Variants in RORA observed in about 807,000 individuals in gnomAD.
RORA encodes the protein RAR related orphan receptor A.
RORA carries 7 observed loss-of-function variants against 69.5 expected under a neutral mutation model. The ratio of observed to expected loss-of-function variants is 0.10; its 90% confidence interval spans 0.06 to 0.19. The LOEUF is 0.19. RORA is among the 10% of genes least tolerant of loss of function. The pLI is 1.00. For missense variants in RORA, 457 were observed against 663.0 expected (o/e 0.69, Z 3.41); for synonymous variants, 261 against 240.8 (o/e 1.08, Z -0.78).
chr15:60,804,052 G>A (rs1169349111), intron 1 of RORA, among the ~76,000 whole-genome samples: 1 of 152,060 alleles, frequency 6.6e-6, no homozygotes, highest in African/African-American at 2.4e-5. Flanking sequence ...CACTTTGAGA[G>A]GCCAAGGTGG....
intron 1 of RORA, among the ~76,000 whole-genome samples, chr15:61,110,986 A>T (rs114420207): frequency 1.1e-3 from 173 of 152,242 alleles, no homozygotes; most frequent in African/African-American, 4.0e-3. Context: ...CCTGCTCCAC[A>T]CATAGGAGAC....
intron 1 of RORA, among the ~76,000 whole-genome samples, chr15:60,963,168 G>A (rs1188463715): frequency 6.6e-6 from 1 of 152,230 alleles, no homozygotes; most frequent in Non-Finnish European, 1.5e-5. Context: ...ACGCTTCGAA[G>A]AAATTGAACT....
At chr15:61,064,911 T>C (rs2078236148) in intron 1 of RORA, among the ~76,000 whole-genome samples, 1 of 152,170 alleles carries the variant, frequency 6.6e-6, no homozygotes, top group Non-Finnish European at 1.5e-5. Flanking sequence ...CTTCATTACC[T>C]GCCCTGAGCT....
chr15:60,500,656 C>T (rs963967887), intron 9 of RORA, among the ~76,000 whole-genome samples: 1 of 152,052 alleles, frequency 6.6e-6, no homozygotes, highest in African/African-American at 2.4e-5. Flanking sequence ...GACAGGCAAC[C>T]CTATTCCACC....
At chr15:60,500,849 T>G in intron 9 of RORA, 110 bp downstream of exon 9, 1 of 596,938 alleles carries the variant, frequency 1.7e-6, no homozygotes, top group Non-Finnish European at 3.0e-6. Context: ...GGTGGAGACC[T>G]CTCTTAGTAG....
chr15:60,985,060 T>C (rs1041228494), intron 1 of RORA, among the ~76,000 whole-genome samples: 4 of 152,138 alleles, frequency 2.6e-5, no homozygotes, highest in Non-Finnish European at 5.9e-5. Context: ...ATGGAACAAG[T>C]GTGACTTCAC....
At chr15:60,757,990 A>G (rs1208870235) in intron 1 of RORA, among the ~76,000 whole-genome samples, 2 of 152,154 alleles carry the variant, frequency 1.3e-5, no homozygotes, top group East Asian at 3.9e-4. Context: ...TCTTTTCAGG[A>G]TAGTCTAGTG....
At chr15:60,666,576 T>C (rs890341010) in intron 2 of RORA, among the ~76,000 whole-genome samples, 7 of 152,028 alleles carry the variant, frequency 4.6e-5, no homozygotes, top group Non-Finnish European at 8.8e-5. Context: ...GAATGTACTG[T>C]GGGGGCTGCA....
At chr15:60,823,228 C>G (rs926969103) in intron 1 of RORA, among the ~76,000 whole-genome samples, 19 of 151,906 alleles carry the variant, frequency 1.3e-4, no homozygotes, top group African/African-American at 4.6e-4. Context: ...TTCAAACTGT[C>G]ACCAAGGCTG....
At chr15:60,562,046 C>T (rs533608451) in intron 2 of RORA, among the ~76,000 whole-genome samples, 3 of 151,976 alleles carry the variant, frequency 2.0e-5, no homozygotes, top group South Asian at 2.1e-4. Flanking sequence ...CAGGTTCAAG[C>T]GATTCTCCTG....
chr15:60,896,327 A>G (rs748180036), intron 1 of RORA, among the ~76,000 whole-genome samples: 19 of 152,260 alleles, frequency 1.2e-4, no homozygotes, highest in Non-Finnish European at 2.6e-4. Context: ...ATCAATGGAA[A>G]GCTAACACAC....
At chr15:60,654,974 G>C (rs533738006) in intron 2 of RORA, among the ~76,000 whole-genome samples, 1 of 152,100 alleles carries the variant, frequency 6.6e-6, no homozygotes, top group Non-Finnish European at 1.5e-5. Context: ...TTTAAGTCCC[G>C]AGTTTGTGGT....
intron 2 of RORA, among the ~76,000 whole-genome samples, chr15:60,617,633 CACACACGCACAT>C (rs905556174): frequency 1.3e-5 from 2 of 148,948 alleles, no homozygotes; most frequent in African/African-American, 5.0e-5. Context: ...AAAATACACA[CACACACGCACAT>C]ACACACATAC....
At chr15:61,155,310 C>A (rs956274732) in intron 1 of RORA, among the ~76,000 whole-genome samples, 1 of 152,124 alleles carries the variant, frequency 6.6e-6, no homozygotes, top group African/African-American at 2.4e-5. Context: ...ATTCCATTAA[C>A]CTTCAAATAA....
At chr15:61,055,693 T>G (rs1189421484) in intron 1 of RORA, among the ~76,000 whole-genome samples, 1 of 152,238 alleles carries the variant, frequency 6.6e-6, no homozygotes, top group African/African-American at 2.4e-5. Flanking sequence ...ATCCTGAACT[T>G]TTATCACACA....
chr15:60,759,631 G>C (rs997348508), intron 1 of RORA, among the ~76,000 whole-genome samples: 2 of 152,168 alleles, frequency 1.3e-5, no homozygotes, highest in African/African-American at 4.8e-5. Flanking sequence ...TACACATAGA[G>C]AAATCTGCCT....
At chr15:61,080,980 G>T (rs574585759) in intron 1 of RORA, among the ~76,000 whole-genome samples, 1 of 152,172 alleles carries the variant, frequency 6.6e-6, no homozygotes, top group Non-Finnish European at 1.5e-5. Flanking sequence ...CTGTCTGGCC[G>T]GTGCCTCTCC....
chr15:60,652,572 CTT>C (rs1322317268), intron 2 of RORA, among the ~76,000 whole-genome samples: 2 of 152,162 alleles, frequency 1.3e-5, no homozygotes, highest in African/African-American at 4.8e-5. Context: ...CATATGTGTC[CTT>C]CCAGAAAAGC....
intron 1 of RORA, among the ~76,000 whole-genome samples, chr15:61,119,486 C>A (rs1049212123): frequency 1.3e-5 from 2 of 150,390 alleles, no homozygotes; most frequent in Admixed American, 1.3e-4. Flanking sequence ...TTTATTTTTT[C>A]CCCCCAGAGA....
Sources: gnomAD v4.1 joint callset for allele counts (sites outside exome capture counted in the v4.1 genomes callset) on GRCh38, gnomAD v4.1.1 for gene constraint, MANE v1.5 for transcripts, NCBI Gene and HGNC (gene_info 2026-07-23, HGNC 2026-07-21) for gene names.